The following TTLL4 variants were observed in gnomAD, a reference collection of about 807,000 sequenced individuals.
TTLL4 encodes the protein tubulin tyrosine ligase like 4, also known as tubulin monoglutamylase TTLL4.
A neutral mutation model predicts 122.7 loss-of-function variants in TTLL4; 85 were observed. That is an observed-to-expected ratio of 0.69 (90% confidence interval 0.58 to 0.83). TTLL4 has a LOEUF of 0.83. Among genes scored for constraint, TTLL4 ranks in the 40% least tolerant of loss-of-function variants. TTLL4 has a pLI of 0.00. For synonymous variants in TTLL4, 553 were observed against 563.0 expected, an observed-to-expected ratio of 0.98 and a Z score of 0.25; for missense variants, 1,363 against 1,488.6, an observed-to-expected ratio of 0.92 and a Z score of 1.39.
chr2:218,725,640 C>T (rs1406559785), intron 1 of TTLL4, among the ~76,000 whole-genome samples: 1 of 151,978 alleles, frequency 6.6e-6, no homozygotes, highest in South Asian at 2.1e-4. Flanking sequence ...ACCGCAACCT[C>T]CACCTCCTGG....
chr2:218,748,674 AAGAATT>A, intron 12 of TTLL4, 156 bp from the exon 13 acceptor site: 2 of 564,988 alleles, frequency 3.5e-6, no homozygotes, highest in Non-Finnish European at 6.0e-6. Flanking sequence ...AAAAAAAAAA[AAGAATT>A]GGTCTATTTG....
At chr2:218,748,338 G>T in intron 12 of TTLL4, 111 bp downstream of exon 12, 1 of 1,461,720 alleles carries the variant, frequency 6.8e-7, no homozygotes, top group Non-Finnish European at 9.1e-7. Context: ...AAGACCCAGA[G>T]ATAACACTTA....
At chr2:218,717,049 A>G (rs903849435) in intron 1 of TTLL4, among the ~76,000 whole-genome samples, 1 of 151,498 alleles carries the variant, frequency 6.6e-6, no homozygotes, top group Admixed American at 6.6e-5. Context: ...TGGCATGATC[A>G]TGGCTTACTG....
intron 1 of TTLL4, among the ~76,000 whole-genome samples, chr2:218,717,072 C>A (rs575256268): frequency 6.6e-6 from 1 of 152,008 alleles, no homozygotes; most frequent in Non-Finnish European, 1.5e-5. Flanking sequence ...GTCTCCACCC[C>A]CCAGGCTCAG....
At chr2:218,740,304 G>A in intron 4 of TTLL4, 137 bp downstream of exon 4, 1 of 935,076 alleles carries the variant, frequency 1.1e-6, no homozygotes, top group Non-Finnish European at 1.6e-6. Flanking sequence ...AGTGGGGGTA[G>A]TGCCTTCTAG....
At chr2:218,723,318 G>A (rs1306808546) in intron 1 of TTLL4, among the ~76,000 whole-genome samples, 1 of 152,108 alleles carries the variant, frequency 6.6e-6, no homozygotes, top group African/African-American at 2.4e-5. Flanking sequence ...CTCAGTTGAG[G>A]GCACAACAAG....
At chr2:218,724,647 A>G (rs1942136298) in intron 1 of TTLL4, among the ~76,000 whole-genome samples, 1 of 152,166 alleles carries the variant, frequency 6.6e-6, no homozygotes. Context: ...TTGTGTATAT[A>G]TACCACATTT....
At chr2:218,746,297 G>A (rs1942840952) in intron 8 of TTLL4, 66 bp downstream of exon 8, 1 of 1,553,412 alleles carries the variant, frequency 6.4e-7, no homozygotes, top group East Asian at 2.2e-5. Flanking sequence ...GGGGGATGAT[G>A]TGAGTAGGGG....
chr2:218,746,490 T>C, intron 8 of TTLL4: 1 of 519,222 alleles, frequency 1.9e-6, no homozygotes. Context: ...AACTCCAACC[T>C]CATAGGAGGG....
chr2:218,713,998 C>T (rs1941786468), intron 1 of TTLL4, among the ~76,000 whole-genome samples: 1 of 152,144 alleles, frequency 6.6e-6, no homozygotes, highest in Admixed American at 6.5e-5. Context: ...GCAGCACATC[C>T]AGGTAGAAAG....
intron 4 of TTLL4, 113 bp downstream of exon 4, chr2:218,740,280 C>A: frequency 1.8e-6 from 2 of 1,100,498 alleles, no homozygotes; most frequent in Non-Finnish European, 2.7e-6. Flanking sequence ...CAGTCATTTG[C>A]TTTGGGGGTC....
intron 1 of TTLL4, among the ~76,000 whole-genome samples, chr2:218,715,023 T>A (rs1575155193): frequency 7.0e-6 from 1 of 141,936 alleles, no homozygotes. Flanking sequence ...TAACGTAAGT[T>A]AGTTAACACA....
rs1943027264 is a variant in TTLL4, at chr2:218,751,898, T to C, written c.2976+92T>C. On this transcript the variant is annotated intron_variant, in intron 16 of 19. Coordinates refer to ENST00000392102, the MANE Select transcript of TTLL4 (RefSeq NM_014640.5). ...AGCAAACAGCTTTTCTTTTTTTTTT[T>C]CTTTTCTTTTTCTTTTTTTTTTTTT... 7.7e-6 allele frequency: 5 copies of C among 651,702 alleles called. 1 individual carries two copies. The highest frequency in any genetic ancestry group is 3.2e-5 in the East Asian group (1 of 31,040). The allele number at this position is 651,702 out of a possible 1,614,324, so 40.4% of individuals were successfully genotyped here. A position where few individuals can be genotyped will look rare whatever the true frequency, so the allele number is the denominator to read the frequency against.
intron 14 of TTLL4, 25 bp downstream of exon 14, chr2:218,749,412 A>C (rs1575182517): frequency 6.2e-7 from 1 of 1,612,266 alleles, no homozygotes; most frequent in Non-Finnish European, 8.5e-7. Flanking sequence ...CAGGACACTC[A>C]CCATAGAATC....
intron 1 of TTLL4, among the ~76,000 whole-genome samples, chr2:218,725,441 G>A (rs899200587): frequency 6.6e-6 from 1 of 151,676 alleles, no homozygotes; most frequent in Non-Finnish European, 1.5e-5. Context: ...TCCCAGGTTG[G>A]TCTTGAACTC....
At position 218,747,808 on chromosome 2, in the gene TTLL4, C is replaced by T; in HGVS notation, c.2378+83C>T. 6.4e-7 allele frequency: 1 copy of T among 1,563,096 alleles called. No homozygotes were observed. Among genetic ancestry groups the T allele is most frequent in the South Asian group, 1.2e-5 (1 of 86,266 alleles). ...GGGAGGGAAACTAGAAGACACCAAA[C>T]AGAAAAATAGTTTTTGTTAGCAAGG... is the stretch of plus-strand genomic sequence containing the variant. On this transcript the variant is annotated intron_variant, in intron 11 of 19. Transcript: ENST00000392102. This position sits in a 1 kb window ranked among gnomAD's most constrained non-coding sequence, Gnocchi z 4.7.
chr2:218,719,287 T>A (rs1575158328), intron 1 of TTLL4, among the ~76,000 whole-genome samples: 1 of 152,130 alleles, frequency 6.6e-6, no homozygotes, highest in East Asian at 1.9e-4. Flanking sequence ...AAAGCCATCA[T>A]GAAGCTTATA....
intron 6 of TTLL4, 56 bp from the exon 7 acceptor site, chr2:218,745,635 C>G: frequency 1.6e-6 from 2 of 1,218,610 alleles, no homozygotes; most frequent in East Asian, 2.5e-5. Flanking sequence ...GTCTTCTCAT[C>G]ATGACTCTCT....
intron 15 of TTLL4, 66 bp downstream of exon 15, chr2:218,750,212 G>C: frequency 6.3e-7 from 1 of 1,574,934 alleles, no homozygotes; most frequent in Admixed American, 1.8e-5. Flanking sequence ...TTTCTGGGAA[G>C]GAATGGGTTC....
Sources: allele counts gnomAD v4.1 joint callset (sites outside exome capture counted in the v4.1 genomes callset), GRCh38; gene constraint gnomAD v4.1.1; non-coding constraint Gnocchi (gnomAD v3.1); transcripts MANE v1.5; gene names NCBI Gene and HGNC (gene_info 2026-07-23, HGNC 2026-07-21).